SRPK2: variants seen among roughly 807,000 people sequenced by gnomAD.
SRPK2 encodes the protein SFRS protein kinase 2.
SRPK2 carries 21 observed loss-of-function variants against 90.8 expected under a neutral mutation model. The ratio of observed to expected loss-of-function variants is 0.23; its 90% CI spans 0.16 to 0.33. SRPK2 has a LOEUF of 0.33. Among genes scored for constraint, SRPK2 ranks in the 10% least tolerant of loss-of-function variants. The pLI, the probability that SRPK2 is intolerant of heterozygous loss-of-function variation, is 1.00. For missense variants in SRPK2, 620 were observed against 869.0 expected, an observed-to-expected ratio of 0.71 and a Z score of 3.60; for synonymous variants, 288 against 311.1, an observed-to-expected ratio of 0.93 and a Z score of 0.78.
At chr7:105,143,557 C>T (rs1804112006) in intron 9 of SRPK2, 5 of 571,498 alleles carry the variant, frequency 8.7e-6, no homozygotes, top group Non-Finnish European at 1.5e-5. Flanking sequence ...GTCCTGCCCT[C>T]AGAGGGATAT....
intron 2 of SRPK2, among the ~76,000 whole-genome samples, chr7:105,259,851 G>A (rs547196828): frequency 6.6e-6 from 1 of 151,988 alleles, no homozygotes; most frequent in South Asian, 2.1e-4. Context: ...AGCTGAAACT[G>A]GATCCCTTCC....
At chr7:105,149,064 C>T (rs558925920) in intron 7 of SRPK2, among the ~76,000 whole-genome samples, 7 of 152,034 alleles carry the variant, frequency 4.6e-5, no homozygotes, top group Non-Finnish European at 8.8e-5. Context: ...AAGACCTGAC[C>T]GTCCCCCAGC....
chr7:105,211,985 A>G (rs1305618475), intron 2 of SRPK2, among the ~76,000 whole-genome samples: 1 of 152,182 alleles, frequency 6.6e-6, no homozygotes, highest in Admixed American at 6.5e-5. Context: ...TCAGGTTTTT[A>G]TCATCTATTT....
chr7:105,235,509 G>C (rs1252344274), intron 2 of SRPK2, among the ~76,000 whole-genome samples: 1 of 151,908 alleles, frequency 6.6e-6, no homozygotes. Flanking sequence ...AAATATGTAT[G>C]GTATTGCCAA....
chr7:105,291,774 A>T (rs1809059905), intron 2 of SRPK2, among the ~76,000 whole-genome samples: 1 of 152,188 alleles, frequency 6.6e-6, no homozygotes, highest in Non-Finnish European at 1.5e-5. Context: ...CAGAGAAAAT[A>T]AAAAACATAC....
chr7:105,389,985 C>G (rs571907061), upstream of SRPK2, among the ~76,000 whole-genome samples: 9 of 152,088 alleles, frequency 5.9e-5, no homozygotes, highest in African/African-American at 2.2e-4. Context: ...AATATCAAAC[C>G]CTATAGAAAA....
At chr7:105,261,607 TATTA>T (rs1804306232) in intron 2 of SRPK2, among the ~76,000 whole-genome samples, 1 of 152,186 alleles carries the variant, frequency 6.6e-6, no homozygotes. Context: ...TATGATTATT[TATTA>T]ATCTATGCCA....
At chr7:105,287,019 T>C (rs1230096417) in intron 2 of SRPK2, among the ~76,000 whole-genome samples, 1 of 151,914 alleles carries the variant, frequency 6.6e-6, no homozygotes, top group Non-Finnish European at 1.5e-5. Context: ...CCCAGCACTT[T>C]GGGAGGCCGA....
chr7:105,139,177 T>C (rs1803326528), intron 11 of SRPK2, among the ~76,000 whole-genome samples: 1 of 152,136 alleles, frequency 6.6e-6, no homozygotes, highest in Non-Finnish European at 1.5e-5. Context: ...AGCAGGGGAA[T>C]ACACTGATCG....
At chr7:105,148,017 T>C (rs1232600243) in intron 7 of SRPK2, among the ~76,000 whole-genome samples, 5 of 152,344 alleles carry the variant, frequency 3.3e-5, no homozygotes, top group Non-Finnish European at 5.9e-5. Flanking sequence ...GGGAGGTATA[T>C]ACCTAGGAGT....
At chr7:105,164,875 G>A (rs773256511) in intron 6 of SRPK2, among the ~76,000 whole-genome samples, 2 of 152,066 alleles carry the variant, frequency 1.3e-5, no homozygotes, top group Admixed American at 6.6e-5. Context: ...ATGATATAAA[G>A]AGCAAAAAAT....
chr7:105,235,805 G>A (rs1462827179), intron 2 of SRPK2, among the ~76,000 whole-genome samples: 1 of 152,016 alleles, frequency 6.6e-6, no homozygotes, highest in Admixed American at 6.6e-5. Flanking sequence ...TTCCATTTAT[G>A]TCATCACAAA....
intron 15 of SRPK2, 91 bp from the exon 16 acceptor site, chr7:105,118,113 CA>C: frequency 7.6e-7 from 1 of 1,315,464 alleles, no homozygotes; most frequent in South Asian, 1.3e-5. Context: ...GTGAAGCGGA[CA>C]ACCACCTGCT....
chr7:105,391,340 G>T (rs1335100930), upstream of SRPK2, among the ~76,000 whole-genome samples: 2 of 152,048 alleles, frequency 1.3e-5, no homozygotes, highest in East Asian at 3.8e-4. Context: ...CGAGTAGCTG[G>T]GATTACAGGC....
chr7:105,229,323 G>T (rs778685169), intron 2 of SRPK2, among the ~76,000 whole-genome samples: 1 of 152,096 alleles, frequency 6.6e-6, no homozygotes, highest in Non-Finnish European at 1.5e-5. Context: ...AATTAGCCGG[G>T]CATAGCGGCG....
intron 2 of SRPK2, among the ~76,000 whole-genome samples, chr7:105,297,934 T>C (rs1810041244): frequency 6.6e-6 from 1 of 151,852 alleles, no homozygotes; most frequent in Admixed American, 6.6e-5. Flanking sequence ...TAGAGACGGG[T>C]TTTCACCATG....
At chr7:105,300,611 C>A (rs1810424298) in intron 2 of SRPK2, among the ~76,000 whole-genome samples, 1 of 152,058 alleles carries the variant, frequency 6.6e-6, no homozygotes, top group Non-Finnish European at 1.5e-5. Flanking sequence ...TTGCAATCTA[C>A]CCATCTGACA....
In SRPK2 at chr7:105,168,087, CT is replaced by C; in HGVS notation, c.346del (p.Arg116AspfsTer5). 2 of 1,610,748 alleles carry C rather than the reference CT, an allele frequency of 1.2e-6. No individual in the cohort carries two copies. Among genetic ancestry groups the C allele is most frequent in the Non-Finnish European group, 1.7e-6 (2 of 1,178,244 alleles). ...TTTTACAACTTTCATTGCAACAAAT[CT>C]TTTCCCCCTAAAAGAAAAAACAAAA... Reference protein sequence around the residue: ...VWLCWDMQGKRFVAMKVVKSA... With the variant: ...VWLCWDMQGKXFVAMKVVKSA... On this transcript the variant is annotated frameshift_variant, in exon 5 of 16. Coordinates refer to ENST00000393651, the MANE Select transcript of SRPK2 (RefSeq NM_182692.3). LOFTEE classifies it high-confidence loss of function.
rs542609957 is a variant in SRPK2, at chr7:105,301,359, G to A, written c.71+87289C>T. Among the ~76,000 whole-genome samples, 31 of 152,076 alleles carry A rather than the reference G, an allele frequency of 2.0e-4. No individual in the cohort carries two copies. The East Asian group carries it at 5.4e-3, about 27-fold the overall frequency. ...ACCGCTGGCAGCTGGGCGCTGCCGAGGCCAGGGGCACGCACGATTGGCACC... is the reference window on the plus strand; with the variant it reads ...ACCGCTGGCAGCTGGGCGCTGCCGAAGCCAGGGGCACGCACGATTGGCACC... On this transcript the variant is annotated intron_variant, in intron 2 of 15. Transcript: ENST00000393651.
Sources: allele counts gnomAD v4.1 joint callset (sites outside exome capture counted in the v4.1 genomes callset), GRCh38; gene constraint gnomAD v4.1.1; transcripts MANE v1.5; gene names NCBI Gene and HGNC (gene_info 2026-07-23, HGNC 2026-07-21).